Variants in SSBP2 observed in about 807,000 individuals in gnomAD.
SSBP2 encodes the protein single stranded DNA binding protein 2.
Under a neutral mutation model 61.8 loss-of-function variants are expected in SSBP2, and 17 were observed. That is an observed-to-expected ratio of 0.28 (90% confidence interval 0.19 to 0.41). SSBP2 has a LOEUF of 0.41. SSBP2 is among the 10% of genes least tolerant of loss of function. The pLI, the probability that SSBP2 is intolerant of heterozygous loss-of-function variation, is 1.00. For synonymous variants in SSBP2, 139 were observed against 141.3 expected, an observed-to-expected ratio of 0.98 and a Z score of 0.12; for missense variants, 310 against 458.7, an observed-to-expected ratio of 0.68 and a Z score of 2.96.
chr5:81,452,800 C>T (rs981024068), intron 10 of SSBP2, among the ~76,000 whole-genome samples: 1 of 152,046 alleles, frequency 6.6e-6, no homozygotes, highest in African/African-American at 2.4e-5. Context: ...GATAAACAAA[C>T]TTTTAGAAAT....
chr5:81,645,985 C>T (rs1009554235), intron 2 of SSBP2, among the ~76,000 whole-genome samples: 7 of 152,034 alleles, frequency 4.6e-5, no homozygotes, highest in Admixed American at 3.3e-4. Context: ...TAATGTGCCC[C>T]ACTCTTCTGA....
chr5:81,735,235 G>C (rs938512296), intron 1 of SSBP2, among the ~76,000 whole-genome samples: 33 of 152,008 alleles, frequency 2.2e-4, no homozygotes, highest in African/African-American at 7.7e-4. Flanking sequence ...AATACTATCA[G>C]TTGCATTTCA....
At chr5:81,567,907 T>C (rs1187281791) in intron 4 of SSBP2, among the ~76,000 whole-genome samples, 1 of 152,138 alleles carries the variant, frequency 6.6e-6, no homozygotes, top group African/African-American at 2.4e-5. Context: ...TTTGGAATGG[T>C]TGTATTTGCC....
intron 1 of SSBP2, among the ~76,000 whole-genome samples, chr5:81,736,055 T>A (rs1381362936): frequency 6.6e-6 from 1 of 152,044 alleles, no homozygotes; most frequent in African/African-American, 2.4e-5. Flanking sequence ...CAGGATGAAT[T>A]CATAATTCTT....
At chr5:81,447,417 T>C (rs1320141335) in intron 11 of SSBP2, among the ~76,000 whole-genome samples, 1 of 152,212 alleles carries the variant, frequency 6.6e-6, no homozygotes, top group Non-Finnish European at 1.5e-5. Flanking sequence ...CCTTCCACTA[T>C]CACATCAATT....
intron 1 of SSBP2, 91 bp downstream of exon 1, chr5:81,750,890 G>A (rs1335103867): frequency 7.1e-7 from 1 of 1,418,430 alleles, no homozygotes; most frequent in Admixed American, 2.0e-5. Flanking sequence ...TCCCCGGGCG[G>A]AGAGTGTCTG....
chr5:81,727,199 C>T (rs947353347), intron 1 of SSBP2, among the ~76,000 whole-genome samples: 1 of 152,172 alleles, frequency 6.6e-6, no homozygotes, highest in Non-Finnish European at 1.5e-5. Context: ...TGTTGCATTG[C>T]CTATAAAGTA....
At position 81,448,829 on chromosome 5, in the gene SSBP2, G is replaced by A. The variant is rs141401466; in HGVS notation, c.688-4C>T. Reference sequence around the variant, plus strand: ...GAGATGCTGAGGAGTATGGTATCTGGAACACGAATAGGACAAAAAAATTTT... The same window carrying A: ...GAGATGCTGAGGAGTATGGTATCTGAAACACGAATAGGACAAAAAAATTTT... On this transcript the variant is annotated splice_region_variant and splice_polypyrimidine_tract_variant and intron_variant, in intron 10 of 16. Transcript: ENST00000320672. The A allele has an allele frequency of 1.1e-4, 181 of 1,612,448 alleles. 1 individual carries two copies. In the African/African-American group the frequency reaches 2.1e-3, roughly 19 times the overall value.
In SSBP2 at chr5:81,556,404, T is replaced by C. The variant is rs549318885; in HGVS notation, c.283-42687A>G. Among the ~76,000 whole-genome samples, 165 of 152,150 alleles carry C rather than the reference T, an allele frequency of 1.1e-3. 1 individual carries two copies. Among genetic ancestry groups the C allele is most frequent in the African/African-American group, 4.0e-3 (165 of 41,524 alleles). On this transcript the variant is annotated intron_variant, in intron 4 of 16. Transcript: ENST00000320672. ...GAAGGAGTCTCTTCCCTCTCCCCTA[T>C]TGCCAAGAAAAGTTGAAGTTAAATG... is the stretch of plus-strand genomic sequence containing the variant.
intron 6 of SSBP2, among the ~76,000 whole-genome samples, chr5:81,484,872 G>C (rs1417726809): frequency 2.6e-5 from 4 of 152,078 alleles, no homozygotes; most frequent in Non-Finnish European, 5.9e-5. Context: ...AGTACAAAAT[G>C]GGCAACAGAA....
chr5:81,649,998 C>T (rs1431555110), intron 2 of SSBP2, among the ~76,000 whole-genome samples: 2 of 151,902 alleles, frequency 1.3e-5, no homozygotes, highest in Non-Finnish European at 2.9e-5. Context: ...TTAAAATTTG[C>T]TTTCTTGATT....
intron 1 of SSBP2, among the ~76,000 whole-genome samples, chr5:81,737,950 A>G (rs1314484736): frequency 6.6e-6 from 1 of 151,844 alleles, no homozygotes; most frequent in Non-Finnish European, 1.5e-5. Flanking sequence ...GTTCTTTTCA[A>G]TCTCAATTTC....
At position 81,413,877 on chromosome 5, in the gene SSBP2, A is replaced by C. The variant is rs1561365039; in HGVS notation, c.*6627T>G. The C allele has an allele frequency of 1.3e-5, 2 of 152,170 alleles. No homozygotes were observed. The highest frequency in any genetic ancestry group is 2.9e-5 in the Non-Finnish European group (2 of 67,996). 9.4% of individuals were successfully genotyped at this position (152,170 alleles called of 1,614,324 possible). A position where few individuals can be genotyped will look rare whatever the true frequency, so the allele number is the denominator to read the frequency against. On this transcript the variant is annotated 3_prime_UTR_variant, in exon 17 of 17. Coordinates refer to ENST00000320672, the MANE Select transcript of SSBP2 (RefSeq NM_012446.5). ...TATATTTAACTGAGCAATTTTACCA[A>C]GACATGATGGAAAGTTAGCTGACAA... is the stretch of plus-strand genomic sequence containing the variant.
intron 4 of SSBP2, among the ~76,000 whole-genome samples, chr5:81,610,960 C>T (rs1745382239): frequency 6.6e-6 from 1 of 152,208 alleles, no homozygotes; most frequent in Non-Finnish European, 1.5e-5. Context: ...CACCATTGCA[C>T]TCCAGCCTGG....
chr5:81,526,612 A>G (rs896104773), intron 4 of SSBP2, among the ~76,000 whole-genome samples: 1 of 152,050 alleles, frequency 6.6e-6, no homozygotes, highest in Non-Finnish European at 1.5e-5. Flanking sequence ...CATAGCATTA[A>G]AAAATGATAT....
At chr5:81,687,326 C>A (rs969605258) in intron 1 of SSBP2, among the ~76,000 whole-genome samples, 33 of 152,208 alleles carry the variant, frequency 2.2e-4, no homozygotes, top group African/African-American at 8.0e-4. Flanking sequence ...AGGGGAATCC[C>A]CCAGCCCAGT....
chr5:81,445,495 G>A (rs1388736282), intron 12 of SSBP2, among the ~76,000 whole-genome samples: 1 of 151,772 alleles, frequency 6.6e-6, no homozygotes, highest in Non-Finnish European at 1.5e-5. Flanking sequence ...CACCATATAA[G>A]AACATAAATA....
At chr5:81,739,827 T>C (rs1756888905) in intron 1 of SSBP2, among the ~76,000 whole-genome samples, 2 of 152,206 alleles carry the variant, frequency 1.3e-5, no homozygotes, top group Admixed American at 1.3e-4. Flanking sequence ...TATACAATTA[T>C]TATTCTGTAC....
At chr5:81,688,173 C>A (rs1312222168) in intron 1 of SSBP2, among the ~76,000 whole-genome samples, 1 of 152,094 alleles carries the variant, frequency 6.6e-6, no homozygotes, top group Non-Finnish European at 1.5e-5. Context: ...ATAGGAGCCA[C>A]AGGGAGATTC....
Sources: gnomAD v4.1 joint callset for allele counts (sites outside exome capture counted in the v4.1 genomes callset) on GRCh38, gnomAD v4.1.1 for gene constraint, MANE v1.5 for transcripts, NCBI Gene and HGNC (gene_info 2026-07-23, HGNC 2026-07-21) for gene names.